The following PRDM6 variants were observed in gnomAD, a reference collection of about 807,000 sequenced individuals.
PRDM6 encodes the protein putative histone-lysine N-methyltransferase PRDM6.
PRDM6 carries 25 observed loss-of-function variants against 60.8 expected under a neutral mutation model. The ratio of observed to expected loss-of-function variants is 0.41; its 90% CI spans 0.30 to 0.57. The LOEUF (loss-of-function observed/expected upper bound fraction) is 0.57, where lower values mean the gene tolerates loss of function less well. Among genes scored for constraint, PRDM6 ranks in the 20% least tolerant of loss-of-function variants. The pLI, the probability that PRDM6 is intolerant of heterozygous loss-of-function variation, is 0.27. For missense variants in PRDM6, 839 were observed against 821.3 expected, an observed-to-expected ratio of 1.02 and a Z score of -0.26; for synonymous variants, 407 against 357.4, an observed-to-expected ratio of 1.14 and a Z score of -1.57.
At chr5:123,114,530 C>T (rs918620486) in intron 3 of PRDM6, among the ~76,000 whole-genome samples, 3 of 152,190 alleles carry the variant, frequency 2.0e-5, no homozygotes, top group Non-Finnish European at 2.9e-5. Context: ...TACTTGTAGC[C>T]TCAGTCAGTT....
chr5:123,131,275 C>CA (rs1315947230), intron 3 of PRDM6, among the ~76,000 whole-genome samples: 1 of 152,026 alleles, frequency 6.6e-6, no homozygotes, highest in Non-Finnish European at 1.5e-5. Context: ...CACAATAGGG[C>CA]AGCCATAGTT....
At chr5:123,124,554 T>C (rs1006248549) in intron 3 of PRDM6, among the ~76,000 whole-genome samples, 1 of 152,238 alleles carries the variant, frequency 6.6e-6, no homozygotes. Context: ...AAATCTGTTC[T>C]TTTACTGATA....
intron 2 of PRDM6, among the ~76,000 whole-genome samples, chr5:123,092,534 G>A (rs1238615845): frequency 6.6e-6 from 1 of 152,098 alleles, no homozygotes; most frequent in Non-Finnish European, 1.5e-5. Context: ...TAATATATGG[G>A]TATTGAACCA....
chr5:123,107,506 T>A (rs897585593), intron 3 of PRDM6, among the ~76,000 whole-genome samples: 1 of 152,214 alleles, frequency 6.6e-6, no homozygotes, highest in Non-Finnish European at 1.5e-5. Flanking sequence ...GAAATGGGCA[T>A]GCCACATGAA....
intron 3 of PRDM6, among the ~76,000 whole-genome samples, chr5:123,144,617 C>T (rs1004174808): frequency 1.3e-5 from 2 of 152,064 alleles, no homozygotes; most frequent in African/African-American, 4.8e-5. Flanking sequence ...GGGAGGAGAA[C>T]CAACACTTGG....
At chr5:123,152,667 A>G (rs774109907) in intron 3 of PRDM6, among the ~76,000 whole-genome samples, 9 of 152,228 alleles carry the variant, frequency 5.9e-5, no homozygotes, top group Non-Finnish European at 1.3e-4. Flanking sequence ...GCCTTGGTAA[A>G]TGACAAAGCA....
intron 3 of PRDM6, among the ~76,000 whole-genome samples, chr5:123,144,412 G>C (rs1765190309): frequency 6.6e-6 from 1 of 152,200 alleles, no homozygotes; most frequent in African/African-American, 2.4e-5. Flanking sequence ...TTCTTTTCAA[G>C]AGTAGCTCCT....
Position 123,188,831 on chromosome 5 carries a change from A to G in PRDM6, c.*1630A>G, listed in dbSNP as rs1428253734. The stretch of plus-strand genomic sequence containing the variant: ...TCTTCCCTTTTAATTTTGCTTCTCT[A>G]TTCCTTAGCACCCCAGCTACCACAT... On this transcript the variant is annotated 3_prime_UTR_variant, in exon 8 of 8. Coordinates refer to ENST00000407847, the MANE Select transcript of PRDM6 (RefSeq NM_001136239.4). 1 of 152,102 alleles carries G rather than the reference A, an allele frequency of 6.6e-6. No individual in the cohort carries two copies. The highest frequency in any genetic ancestry group is 2.4e-5 in the African/African-American group (1 of 41,402). The allele number at this position is 152,102 out of a possible 1,614,324, so 9.4% of individuals were successfully genotyped here. A position where few individuals can be genotyped will look rare whatever the true frequency, so the allele number is the denominator to read the frequency against.
intron 3 of PRDM6, among the ~76,000 whole-genome samples, chr5:123,130,797 C>A (rs531398048): frequency 6.6e-6 from 1 of 152,280 alleles, no homozygotes; most frequent in African/African-American, 2.4e-5. Flanking sequence ...GAACTCCTGA[C>A]CTCAGGTGAT....
chr5:123,115,018 A>T (rs1251730888), intron 3 of PRDM6, among the ~76,000 whole-genome samples: 2 of 152,220 alleles, frequency 1.3e-5, no homozygotes, highest in East Asian at 1.9e-4. Flanking sequence ...GTTTACATCC[A>T]GAAGACTGCT....
chr5:123,160,581 T>C (rs950026582), intron 5 of PRDM6, among the ~76,000 whole-genome samples: 1 of 143,276 alleles, frequency 7.0e-6, no homozygotes, highest in African/African-American at 2.8e-5. Flanking sequence ...TTCTAACACA[T>C]GCACTCACAC....
chr5:123,158,682 C>T (rs935016054), intron 4 of PRDM6, among the ~76,000 whole-genome samples: 1 of 152,162 alleles, frequency 6.6e-6, no homozygotes, highest in South Asian at 2.1e-4. Context: ...ATACAAGGAA[C>T]AAATTGCCCT....
chr5:123,122,936 G>C (rs1306052511), intron 3 of PRDM6, among the ~76,000 whole-genome samples: 1 of 152,060 alleles, frequency 6.6e-6, no homozygotes, highest in East Asian at 1.9e-4. Flanking sequence ...CCTAATTTTG[G>C]ATATTTGACT....
At chr5:123,179,760 G>A (rs1766102705) in intron 6 of PRDM6, among the ~76,000 whole-genome samples, 1 of 152,164 alleles carries the variant, frequency 6.6e-6, no homozygotes, top group African/African-American at 2.4e-5. Context: ...ACTTTAAAAA[G>A]ATGAAAGTGC....
chr5:123,183,094 A>C (rs1294858477), intron 7 of PRDM6, among the ~76,000 whole-genome samples: 1 of 152,120 alleles, frequency 6.6e-6, no homozygotes. Context: ...TTTTTTTTGC[A>C]GATTAGTCAA....
At chr5:123,127,318 A>G (rs1398083164) in intron 3 of PRDM6, among the ~76,000 whole-genome samples, 2 of 152,134 alleles carry the variant, frequency 1.3e-5, no homozygotes, top group African/African-American at 4.8e-5. Context: ...GATTACAGGC[A>G]TGAGCCACCG....
chr5:123,101,793 C>T (rs538694241), intron 3 of PRDM6, among the ~76,000 whole-genome samples: 46 of 152,316 alleles, frequency 3.0e-4, no homozygotes, highest in African/African-American at 1.1e-3. Context: ...CACATATAGA[C>T]TATAACAATG....
intron 3 of PRDM6, among the ~76,000 whole-genome samples, chr5:123,143,641 T>C (rs1765172581): frequency 6.6e-6 from 1 of 152,180 alleles, no homozygotes; most frequent in Admixed American, 6.5e-5. Flanking sequence ...GTCCCAGTGC[T>C]GGCTGCACAC....
chr5:123,118,546 C>G (rs1171089097), intron 3 of PRDM6, among the ~76,000 whole-genome samples: 1 of 152,204 alleles, frequency 6.6e-6, no homozygotes, highest in African/African-American at 2.4e-5. Flanking sequence ...AAGCTCTCCC[C>G]TTCATTTGGG....
Sources: allele counts gnomAD v4.1 joint callset (sites outside exome capture counted in the v4.1 genomes callset), GRCh38; gene constraint gnomAD v4.1.1; transcripts MANE v1.5; gene names NCBI Gene and HGNC (gene_info 2026-07-23, HGNC 2026-07-21).